The following NGFR variants were observed in gnomAD, a reference collection of about 807,000 sequenced individuals.
NGFR encodes tumor necrosis factor receptor superfamily member 16.
A neutral mutation model predicts 43.2 loss-of-function variants in NGFR; 30 were observed. The observed-to-expected ratio is 0.69, with a 90% confidence interval of 0.52 to 0.94. The LOEUF (loss-of-function observed/expected upper bound fraction) is 0.94, where lower values mean the gene tolerates loss of function less well. NGFR is among the 40% of genes least tolerant of loss of function. The probability of loss-of-function intolerance (pLI) is 0.00; values close to 1 mark genes in which losing one functional copy is unlikely to be tolerated. For synonymous variants in NGFR, 246 were observed against 259.6 expected, an observed-to-expected ratio of 0.95 and a Z score of 0.50; for missense variants, 529 against 602.5, an observed-to-expected ratio of 0.88 and a Z score of 1.28.
In NGFR at chr17:49,495,328, G is replaced by A. The variant is rs2071131531; in HGVS notation, c.-90G>A. 6 of 1,050,404 alleles carry A rather than the reference G, an allele frequency of 5.7e-6. No homozygotes were observed. The African/African-American group carries it at 6.6e-5, about 12-fold the overall frequency. 65.1% of individuals were successfully genotyped at this position (1,050,404 alleles called of 1,614,324 possible). ...GAGCCGCGGCCAGCTCCGGCGGGCA[G>A]GGGGGGCGCTGGAGCGCAGCGCAGC... On this transcript the variant is annotated 5_prime_UTR_variant, in exon 1 of 6. Coordinates refer to ENST00000172229, the MANE Select transcript of NGFR (RefSeq NM_002507.4). The surrounding 1 kb of genome is among the most constrained non-coding windows in gnomAD (Gnocchi z 6.4).
chr17:49,502,002 C>CCCCCCCCCCCCCCCCCCCCAAA, intron 1 of NGFR, 61 bp from the exon 2 acceptor site: 1 of 269,490 alleles, frequency 3.7e-6, no homozygotes, highest in Non-Finnish European at 8.0e-6. Flanking sequence ...CCGGAAGAAC[C>CCCCCCCCCCCCCCCCCCCCAAA]CCCCCCAACC....
At position 49,506,290 on chromosome 17, in the gene NGFR, T is replaced by C. The variant is rs1262957577; in HGVS notation, c.209-9T>C. 6.5e-7 allele frequency: 1 copy of C among 1,539,370 alleles called. No homozygotes were observed. Among genetic ancestry groups the C allele is most frequent in the Non-Finnish European group, 8.7e-7 (1 of 1,144,832 alleles). The stretch of plus-strand genomic sequence containing the variant: ...GCAGACGACTAAATCTGGTGTCCGC[T>C]GCGCTCAGGCGTGACGTTCTCCGAC... On this transcript the variant is annotated splice_polypyrimidine_tract_variant and intron_variant, in intron 2 of 5. Transcript: ENST00000172229.
chr17:49,513,065 A>G lies in NGFR; in HGVS notation c.*56A>G. 2.1e-6 allele frequency: 3 copies of G among 1,452,146 alleles called. No homozygotes were observed. The highest frequency in any genetic ancestry group is 2.7e-6 in the Non-Finnish European group (3 of 1,100,044). The allele number at this position is 1,452,146 out of a possible 1,614,324, so 90.0% of individuals were successfully genotyped here. ...CATTCCGACAACCGATGCTCCAGCC[A>G]ACCCCTGTGGAGCCCGCACCCCCAC... On this transcript the variant is annotated 3_prime_UTR_variant, in exon 6 of 6. Coordinates refer to ENST00000172229, the MANE Select transcript of NGFR (RefSeq NM_002507.4).
In NGFR at chr17:49,495,744, A is replaced by T; in HGVS notation, c.66+261A>T. ...CAGGTACCGCAGGGGGCGGTGGGGG[A>T]GCTGGGAGGGGTCTTTCAAGAGGGG... On this transcript the variant is annotated intron_variant, in intron 1 of 5. Transcript: ENST00000172229. The surrounding 1 kb of genome is among the most constrained non-coding windows in gnomAD (Gnocchi z 6.4). 1 of 371,226 alleles carries T rather than the reference A, an allele frequency of 2.7e-6. No individual in the cohort carries two copies. The highest frequency in any genetic ancestry group is 4.7e-6 in the Non-Finnish European group (1 of 210,798). 23.0% of individuals were successfully genotyped at this position (371,226 alleles called of 1,614,324 possible).
rs772930324 is a variant in NGFR at position 49,506,313 on chromosome 17, G to A, written c.223G>A (p.Asp75Asn). The A allele has an allele frequency of 1.9e-6, 3 of 1,566,166 alleles. No individual in the cohort carries two copies. Among genetic ancestry groups the A allele is most frequent in the Admixed American group, 1.7e-5 (1 of 57,458 alleles). ...GCTGCGCTCAGGCGTGACGTTCTCC[G>A]ACGTGGTGAGCGCGACCGAGCCGTG... is the stretch of plus-strand genomic sequence containing the variant. ...EPCLDSVTFS[D>N]VVSATEPCKP... The change falls in exon 3 of 6, where the codon GAC (aspartate) becomes AAC (asparagine). Residue 75 changes from aspartate to asparagine, a missense_variant. Transcript: ENST00000172229.
At chr17:49,500,915 A>G (rs1030516642) in intron 1 of NGFR, among the ~76,000 whole-genome samples, 1 of 152,164 alleles carries the variant, frequency 6.6e-6, no homozygotes. Context: ...TGTCTTGGCC[A>G]TGATCTGGCC....
chr17:49,499,691 G>A (rs970264853), intron 1 of NGFR, among the ~76,000 whole-genome samples: 4 of 152,106 alleles, frequency 2.6e-5, no homozygotes, highest in Admixed American at 2.0e-4. Context: ...GGGTTCAAGC[G>A]ATTCTCCTGC....
intron 1 of NGFR, among the ~76,000 whole-genome samples, chr17:49,501,804 C>T (rs2071168196): frequency 6.6e-6 from 1 of 152,186 alleles, no homozygotes; most frequent in Non-Finnish European, 1.5e-5. Flanking sequence ...TGCTGTAACC[C>T]CAGGATGAAC....
At position 49,513,350 on chromosome 17, in the gene NGFR, G is replaced by C. The variant is rs1442055161; in HGVS notation, c.*341G>C. The C allele has an allele frequency of 6.2e-6, 2 of 323,924 alleles. No homozygotes were observed. Among genetic ancestry groups the C allele is most frequent in the East Asian group, 1.1e-4 (2 of 17,736 alleles). The allele number at this position is 323,924 out of a possible 1,614,324, so 20.1% of individuals were successfully genotyped here. ...ACCACAGCAGGTGTCATATATGGGG[G>C]GCCAACACCAGGGATGGTACTAGGG... On this transcript the variant is annotated 3_prime_UTR_variant, in exon 6 of 6. Transcript: ENST00000172229.
chr17:49,505,564 A>C (rs1255955253), intron 2 of NGFR: 1 of 152,288 alleles, frequency 6.6e-6, no homozygotes, highest in Non-Finnish European at 1.5e-5. Context: ...CAGACGACGC[A>C]TGTGCAGATC....
At chr17:49,502,000 A>AGGGCCCCCCCCCCCCCCC in intron 1 of NGFR, 63 bp from the exon 2 acceptor site, 1 of 264,882 alleles carries the variant, frequency 3.8e-6, no homozygotes, top group Non-Finnish European at 7.9e-6. Flanking sequence ...CCCCGGAAGA[A>AGGGCCCCCCCCCCCCCCC]CCCCCCCCAA....
intron 1 of NGFR, 64 bp from the exon 2 acceptor site, chr17:49,501,999 A>AGGGGCCCCCCCCCCCCCCCCCCCACCC: frequency 3.0e-6 from 1 of 330,984 alleles, no homozygotes; most frequent in Non-Finnish European, 5.9e-6. Context: ...TCCCCGGAAG[A>AGGGGCCCCCCCCCCCCCCCCCCCACCC]ACCCCCCCCA....
Position 49,512,928 on chromosome 17 carries a change from C to T in NGFR, c.1203C>T (p.Leu401=). ...ATQDSATLDA[L]LAALRRIQRA... ...AGGACAGCGCCACACTGGACGCCCTCCTGGCCGCCCTGCGCCGCATCCAGC... is the reference window on the plus strand; with the variant it reads ...AGGACAGCGCCACACTGGACGCCCTTCTGGCCGCCCTGCGCCGCATCCAGC... The change falls in exon 6 of 6, where the codon CTC becomes CTT. Residue 401 remains leucine (L), a synonymous_variant. Transcript: ENST00000172229. This position sits in a 1 kb window ranked among gnomAD's most constrained non-coding sequence, Gnocchi z 5.2. The T allele has an allele frequency of 6.2e-7, 1 of 1,611,732 alleles. No homozygotes were observed. The highest frequency in any genetic ancestry group is 8.5e-7 in the Non-Finnish European group (1 of 1,179,264).
At position 49,513,938 on chromosome 17, in the gene NGFR, G is replaced by C. The variant is rs1027951162; in HGVS notation, c.*929G>C. 2.0e-5 allele frequency: 3 copies of C among 152,384 alleles called. No homozygotes were observed. Among genetic ancestry groups the C allele is most frequent in the African/African-American group, 7.2e-5 (3 of 41,428 alleles). 9.4% of individuals were successfully genotyped at this position (152,384 alleles called of 1,614,324 possible). ...CAGGCATGCCTGTGTGACATCAGTGGCATGGCTCCAGTCTGCTGCCCTCCA... is the reference window on the plus strand; with the variant it reads ...CAGGCATGCCTGTGTGACATCAGTGCCATGGCTCCAGTCTGCTGCCCTCCA... On this transcript the variant is annotated 3_prime_UTR_variant, in exon 6 of 6. Coordinates refer to ENST00000172229, the MANE Select transcript of NGFR (RefSeq NM_002507.4).
Position 49,502,193 on chromosome 17 carries a change from C to A in NGFR, c.197C>A (p.Pro66His). The stretch of plus-strand genomic sequence containing the variant: ...GGAGCCAACCAGACCGTGTGTGAGC[C>A]CTGCCTGGACAGTGAGTAGAGGGTG... ...PCGANQTVCE[P>H]CLDSVTFSDV... Residue 66 changes from proline to histidine, a missense_variant, in exon 2 of 6, where the codon CCC becomes CAC. Physicochemically the swap from Pro to His is moderately conservative, Grantham distance 77. Coordinates refer to ENST00000172229, the MANE Select transcript of NGFR (RefSeq NM_002507.4). 2 of 1,602,106 alleles carry A rather than the reference C, an allele frequency of 1.2e-6. No individual in the cohort carries two copies. Among genetic ancestry groups the A allele is most frequent in the Non-Finnish European group, 1.7e-6 (2 of 1,172,506 alleles).
In NGFR at chr17:49,512,855, C is replaced by T; in HGVS notation, c.1130C>T (p.Thr377Ile). The T allele has an allele frequency of 6.2e-7, 1 of 1,613,460 alleles. No homozygotes were observed. Among genetic ancestry groups the T allele is most frequent in the South Asian group, 1.1e-5 (1 of 91,084 alleles). ...GYQPEHIDSF[T>I]HEACPVRALL... Reference sequence around the variant, plus strand: ...CAGCCCGAGCACATAGACTCCTTTACCCATGAGGCCTGCCCCGTTCGCGCC... The same window carrying T: ...CAGCCCGAGCACATAGACTCCTTTATCCATGAGGCCTGCCCCGTTCGCGCC... The change falls in exon 6 of 6, where the codon ACC becomes ATC. Residue 377 changes from threonine to isoleucine, a missense_variant. Physicochemically the swap from Thr to Ile is moderately conservative, Grantham distance 89 (BLOSUM62 -1). Coordinates refer to ENST00000172229, the MANE Select transcript of NGFR (RefSeq NM_002507.4). The surrounding 1 kb of genome is among the most constrained non-coding windows in gnomAD (Gnocchi z 5.2).
intron 1 of NGFR, 63 bp from the exon 2 acceptor site, chr17:49,502,000 A>AGGC: frequency 1.9e-5 from 5 of 264,884 alleles, no homozygotes; most frequent in Non-Finnish European, 3.2e-5. Flanking sequence ...CCCCGGAAGA[A>AGGC]CCCCCCCCAA....
At chr17:49,497,816 G>C (rs2071147706) in intron 1 of NGFR, 1 of 152,872 alleles carries the variant, frequency 6.5e-6, no homozygotes. Context: ...GTGCGTGAGC[G>C]GCCGGGCTGA....
At chr17:49,496,262 C>T (rs1222777762) in intron 1 of NGFR, 1 of 152,290 alleles carries the variant, frequency 6.6e-6, no homozygotes, top group Admixed American at 6.5e-5. Context: ...ACATTTCCAG[C>T]GCCTGTCCCC....
Sources: gnomAD v4.1 joint callset for allele counts (sites outside exome capture counted in the v4.1 genomes callset) on GRCh38, gnomAD v4.1.1 for gene constraint, Gnocchi (gnomAD v3.1) non-coding constraint, MANE v1.5 for transcripts, NCBI Gene and HGNC (gene_info 2026-07-23, HGNC 2026-07-21) for gene names.